The following DPP10 variants were observed in gnomAD, a reference collection of about 807,000 sequenced individuals.
The protein encoded by DPP10 is inactive dipeptidyl peptidase 10.
In DPP10, 33 loss-of-function variants were observed where a neutral mutation model predicts 120.9. The ratio of observed to expected loss-of-function variants is 0.27; its 90% CI spans 0.21 to 0.37. The LOEUF (loss-of-function observed/expected upper bound fraction) is 0.37. Among genes scored for constraint, DPP10 ranks in the 10% least tolerant of loss-of-function variants. The probability of loss-of-function intolerance (pLI) is 1.00; values close to 1 mark genes in which losing one functional copy is unlikely to be tolerated. For synonymous variants in DPP10, 337 were observed against 326.1 expected (o/e 1.03, Z -0.36); for missense variants, 816 against 942.8 (o/e 0.87, Z 1.76).
chr2:114,956,986 C>CAAAAAAAAAAAAA (rs764400761), intron 1 of DPP10, among the ~76,000 whole-genome samples: 1 of 106,974 alleles, frequency 9.3e-6, no homozygotes, highest in Non-Finnish European at 1.9e-5. Context: ...TAAAACTATT[C>CAAAAAAAAAAAAA]AAAAAAAAAA....
intron 1 of DPP10, among the ~76,000 whole-genome samples, chr2:114,497,356 CATAT>C (rs1682737273): frequency 1.0e-5 from 1 of 99,562 alleles, no homozygotes; most frequent in African/African-American, 3.7e-5. Context: ...TACACATGTA[CATAT>C]ACATACACAT....
At chr2:115,161,641 G>C in intron 1 of DPP10, 1 of 251,478 alleles carries the variant, frequency 4.0e-6, no homozygotes, top group East Asian at 7.4e-5. Context: ...GTCAGGGGCC[G>C]GGGCCCCGCC....
intron 1 of DPP10, among the ~76,000 whole-genome samples, chr2:115,136,636 C>G (rs949977878): frequency 1.3e-4 from 19 of 150,630 alleles, no homozygotes; most frequent in Admixed American, 9.2e-4. Flanking sequence ...TCAGCAAAGG[C>G]AAAAACTGCA....
At chr2:115,286,500 A>AT (rs57294144) in intron 1 of DPP10, among the ~76,000 whole-genome samples, 7 of 54,162 alleles carry the variant, frequency 1.3e-4, no homozygotes, top group Admixed American at 1.0e-3. Flanking sequence ...TAATATATAT[A>AT]TATTACATAT....
intron 5 of DPP10, among the ~76,000 whole-genome samples, chr2:115,686,799 T>C (rs1353698800): frequency 6.6e-6 from 1 of 152,040 alleles, no homozygotes; most frequent in Admixed American, 6.6e-5. Context: ...CCATAACTAT[T>C]CACACTCTAA....
intron 1 of DPP10, among the ~76,000 whole-genome samples, chr2:114,561,039 G>C (rs1688721111): frequency 6.6e-6 from 1 of 152,112 alleles, no homozygotes; most frequent in Non-Finnish European, 1.5e-5. Flanking sequence ...GCTCTGAGGA[G>C]AGCCACAGCA....
intron 3 of DPP10, among the ~76,000 whole-genome samples, chr2:115,452,574 G>T (rs1288094494): frequency 1.3e-5 from 2 of 151,888 alleles, no homozygotes. Context: ...TGCTTGCAAG[G>T]TATCTGTGCC....
intron 1 of DPP10, among the ~76,000 whole-genome samples, chr2:114,800,116 G>A (rs779909501): frequency 4.6e-5 from 7 of 152,120 alleles, no homozygotes; most frequent in Non-Finnish European, 8.8e-5. Context: ...CGCAAGATTC[G>A]AACCACATGG....
At chr2:115,370,670 A>C (rs560990278) in intron 3 of DPP10, among the ~76,000 whole-genome samples, 1 of 152,278 alleles carries the variant, frequency 6.6e-6, no homozygotes, top group East Asian at 1.9e-4. Context: ...TGCCTATTTT[A>C]CTGTCTATTT....
intron 5 of DPP10, among the ~76,000 whole-genome samples, chr2:115,648,730 A>T (rs1458058541): frequency 6.6e-6 from 1 of 152,128 alleles, no homozygotes; most frequent in African/African-American, 2.4e-5. Context: ...GGGAGGAAGG[A>T]TAGGTAGTGT....
chr2:114,809,520 G>A (rs1346537782), intron 1 of DPP10, among the ~76,000 whole-genome samples: 1 of 152,182 alleles, frequency 6.6e-6, no homozygotes, highest in Non-Finnish European at 1.5e-5. Flanking sequence ...TTGTTTTGCA[G>A]TAAGTGGAGT....
At chr2:114,605,283 G>A (rs1004442955) in intron 1 of DPP10, among the ~76,000 whole-genome samples, 1 of 152,056 alleles carries the variant, frequency 6.6e-6, no homozygotes, top group Admixed American at 6.6e-5. Context: ...GGTGTGAACT[G>A]CATGGGTCCA....
chr2:114,823,488 C>T (rs968713835), intron 1 of DPP10, among the ~76,000 whole-genome samples: 2 of 152,116 alleles, frequency 1.3e-5, no homozygotes, highest in African/African-American at 2.4e-5. Flanking sequence ...AGCTTTCAAG[C>T]ATTTATTAGT....
chr2:115,174,112 A>G (rs1159461735), intron 1 of DPP10, among the ~76,000 whole-genome samples: 1 of 152,198 alleles, frequency 6.6e-6, no homozygotes, highest in Non-Finnish European at 1.5e-5. Flanking sequence ...GATGTATTGT[A>G]TAGATTCTAT....
chr2:114,949,092 T>C (rs1237023520), intron 1 of DPP10, among the ~76,000 whole-genome samples: 1 of 151,986 alleles, frequency 6.6e-6, no homozygotes, highest in African/African-American at 2.4e-5. Context: ...ACCCGGCTAA[T>C]TTTTGTATTT....
At chr2:114,500,311 T>A (rs1321341174) in intron 1 of DPP10, among the ~76,000 whole-genome samples, 1 of 152,200 alleles carries the variant, frequency 6.6e-6, no homozygotes, top group Non-Finnish European at 1.5e-5. Flanking sequence ...AGAAGAGAAT[T>A]TGCGGAATTA....
chr2:115,009,812 A>G (rs1408491421), intron 1 of DPP10, among the ~76,000 whole-genome samples: 1 of 152,146 alleles, frequency 6.6e-6, no homozygotes, highest in Non-Finnish European at 1.5e-5. Context: ...TTACACTAAT[A>G]TGACCTTTAT....
chr2:115,441,409 G>A (rs1160431238), intron 3 of DPP10, among the ~76,000 whole-genome samples: 1 of 152,124 alleles, frequency 6.6e-6, no homozygotes. Context: ...AGTTGTGGGG[G>A]ATGAAGTTGG....
chr2:114,687,688 G>C (rs1699462542), intron 1 of DPP10, among the ~76,000 whole-genome samples: 1 of 151,950 alleles, frequency 6.6e-6, no homozygotes, highest in South Asian at 2.1e-4. Context: ...TCAGTTGAAG[G>C]AGTTATAATC....
Sources: gnomAD v4.1 joint callset for allele counts (sites outside exome capture counted in the v4.1 genomes callset) on GRCh38, gnomAD v4.1.1 for gene constraint, MANE v1.5 for transcripts, NCBI Gene and HGNC (gene_info 2026-07-23, HGNC 2026-07-21) for gene names.